The following SH3GL2 variants were observed in gnomAD, a reference collection of about 807,000 sequenced individuals.
SH3GL2 encodes the protein endophilin-A1.
SH3GL2 carries 24 observed loss-of-function variants against 46.0 expected under a neutral mutation model. The ratio of observed to expected loss-of-function variants is 0.52; its 90% confidence interval spans 0.38 to 0.73. The LOEUF (loss-of-function observed/expected upper bound fraction) is 0.73. SH3GL2 is among the 30% of genes least tolerant of loss of function. SH3GL2 has a pLI of 0.00. For missense variants in SH3GL2, 413 were observed against 424.2 expected (o/e 0.97, Z 0.23); for synonymous variants, 196 against 147.1 (o/e 1.33, Z -2.40).
intron 1 of SH3GL2, among the ~76,000 whole-genome samples, chr9:17,666,680 T>C (rs998504501): frequency 1.4e-4 from 21 of 152,020 alleles, no homozygotes; most frequent in Admixed American, 1.4e-3. Context: ...ATTTCACTTG[T>C]TTCCAGTAGT....
chr9:17,681,489 A>T (rs779052320), intron 1 of SH3GL2, among the ~76,000 whole-genome samples: 1 of 152,080 alleles, frequency 6.6e-6, no homozygotes, highest in Non-Finnish European at 1.5e-5. Context: ...TTAAGAAAAC[A>T]TGGGCTTAAT....
intron 1 of SH3GL2, among the ~76,000 whole-genome samples, chr9:17,692,660 T>A (rs1280703100): frequency 1.3e-5 from 2 of 151,432 alleles, no homozygotes; most frequent in Non-Finnish European, 2.9e-5. Flanking sequence ...AAAAATTACT[T>A]GGAGAAAGTA....
intron 1 of SH3GL2, among the ~76,000 whole-genome samples, chr9:17,626,585 A>G (rs548666452): frequency 6.6e-6 from 1 of 152,370 alleles, no homozygotes; most frequent in South Asian, 2.1e-4. Context: ...ACTTTAAGAC[A>G]TATCAGGTAA....
chr9:17,722,536 A>G (rs955355159), intron 1 of SH3GL2, among the ~76,000 whole-genome samples: 2 of 151,596 alleles, frequency 1.3e-5, no homozygotes, highest in Non-Finnish European at 2.9e-5. Context: ...TTATTTTATC[A>G]TTATTATACT....
chr9:17,764,046 A>G (rs1345245214), intron 3 of SH3GL2, among the ~76,000 whole-genome samples: 3 of 152,226 alleles, frequency 2.0e-5, no homozygotes, highest in African/African-American at 4.8e-5. Context: ...TTTTAATACA[A>G]TATTGCATGT....
At chr9:17,595,403 T>C (rs1818552408) in intron 1 of SH3GL2, among the ~76,000 whole-genome samples, 1 of 152,222 alleles carries the variant, frequency 6.6e-6, no homozygotes, top group Non-Finnish European at 1.5e-5. Flanking sequence ...TTTCATTGTT[T>C]AGATTGGCAG....
intron 1 of SH3GL2, among the ~76,000 whole-genome samples, chr9:17,725,464 A>G (rs114216951): frequency 1.9e-3 from 294 of 152,182 alleles, no homozygotes; most frequent in African/African-American, 6.3e-3. Flanking sequence ...GTTTTTGACA[A>G]TGCTCTTAGG....
At chr9:17,756,992 T>G (rs966252322) in intron 2 of SH3GL2, among the ~76,000 whole-genome samples, 2 of 152,160 alleles carry the variant, frequency 1.3e-5, no homozygotes, top group African/African-American at 2.4e-5. Flanking sequence ...CACCTGTTGT[T>G]TCCTGACTTT....
intron 1 of SH3GL2, among the ~76,000 whole-genome samples, chr9:17,717,102 A>G (rs993440778): frequency 5.9e-5 from 9 of 152,208 alleles, no homozygotes; most frequent in Middle Eastern, 3.4e-3. Flanking sequence ...GGGAACAGCA[A>G]TATAAAGCTG....
At chr9:17,745,376 G>A (rs1397115146) in intron 1 of SH3GL2, among the ~76,000 whole-genome samples, 1 of 152,148 alleles carries the variant, frequency 6.6e-6, no homozygotes, top group Non-Finnish European at 1.5e-5. Context: ...TGAGAGATAG[G>A]AACTAGGATT....
chr9:17,774,725 G>A (rs1419892296), intron 3 of SH3GL2, among the ~76,000 whole-genome samples: 1 of 152,092 alleles, frequency 6.6e-6, no homozygotes, highest in Non-Finnish European at 1.5e-5. Context: ...TCACAACAAT[G>A]ATCGTAAGAG....
chr9:17,761,110 G>A (rs1236252919), intron 2 of SH3GL2, among the ~76,000 whole-genome samples: 2 of 152,194 alleles, frequency 1.3e-5, no homozygotes, highest in African/African-American at 4.8e-5. Flanking sequence ...CTGACCCACT[G>A]TAGGCATCCA....
At chr9:17,608,602 G>T (rs1407687153) in intron 1 of SH3GL2, among the ~76,000 whole-genome samples, 2 of 152,194 alleles carry the variant, frequency 1.3e-5, no homozygotes, top group Non-Finnish European at 2.9e-5. Context: ...TTTTTAAGCT[G>T]CTTTGACATT....
chr9:17,702,681 C>T (rs934578755), intron 1 of SH3GL2, among the ~76,000 whole-genome samples: 5 of 151,932 alleles, frequency 3.3e-5, no homozygotes, highest in African/African-American at 9.7e-5. Context: ...GCCATTATTA[C>T]AATTAGGAAA....
intron 3 of SH3GL2, among the ~76,000 whole-genome samples, chr9:17,776,163 C>A (rs1298304019): frequency 6.6e-6 from 1 of 152,102 alleles, no homozygotes; most frequent in Non-Finnish European, 1.5e-5. Context: ...TCTGCAGCCC[C>A]ACCCTTTGTT....
intron 1 of SH3GL2, among the ~76,000 whole-genome samples, chr9:17,707,899 A>G (rs531790518): frequency 4.1e-4 from 62 of 152,064 alleles, no homozygotes; most frequent in Middle Eastern, 3.4e-3. Flanking sequence ...TTGTGTATTT[A>G]CTCTTCACGT....
chr9:17,619,787 G>T (rs7870340), intron 1 of SH3GL2, among the ~76,000 whole-genome samples: 1 of 152,100 alleles, frequency 6.6e-6, no homozygotes, highest in Admixed American at 6.5e-5. Flanking sequence ...AATTGACATG[G>T]ACACATTTAT....
chr9:17,659,458 T>A (rs1820162539), intron 1 of SH3GL2, among the ~76,000 whole-genome samples: 1 of 152,174 alleles, frequency 6.6e-6, no homozygotes, highest in Non-Finnish European at 1.5e-5. Flanking sequence ...TGTGTGTGTG[T>A]GTGTTTTCTC....
chr9:17,696,060 G>A (rs779938745), intron 1 of SH3GL2, among the ~76,000 whole-genome samples: 7 of 152,042 alleles, frequency 4.6e-5, no homozygotes, highest in Non-Finnish European at 8.8e-5. Context: ...CAACTTCCCC[G>A]AGCCTCTCTT....
Sources: gnomAD v4.1 joint callset for allele counts (sites outside exome capture counted in the v4.1 genomes callset) on GRCh38, gnomAD v4.1.1 for gene constraint, MANE v1.5 for transcripts, NCBI Gene and HGNC (gene_info 2026-07-23, HGNC 2026-07-21) for gene names.